Variants in USP50 observed in about 807,000 individuals in gnomAD.
USP50 encodes ubiquitin specific peptidase 50.
A neutral mutation model predicts 39.2 loss-of-function variants in USP50; 37 were observed. The ratio of observed to expected loss-of-function variants is 0.94; its 90% CI spans 0.73 to 1.24. The LOEUF is 1.24. Ranked by LOEUF, USP50 falls within the 50% of genes most tolerant of loss-of-function variation. The probability of loss-of-function intolerance (pLI) is 0.00; values close to 1 mark genes in which losing one functional copy is unlikely to be tolerated. For missense variants in USP50, 374 were observed against 398.2 expected (o/e 0.94, Z 0.52); for synonymous variants, 139 against 144.5 (o/e 0.96, Z 0.27).
At chr15:50,525,934 A>G (rs914405141) in intron 6 of USP50, among the ~76,000 whole-genome samples, 2 of 152,038 alleles carry the variant, frequency 1.3e-5, no homozygotes, top group Non-Finnish European at 2.9e-5. Flanking sequence ...CAAAACAGAA[A>G]ATGCAAACAT....
In USP50 at chr15:50,535,842, A is replaced by T. The variant is rs1158594931; in HGVS notation, c.803+2867T>A. ...TGGTCCTACATTGGAAAAATTAATG[A>T]AATCTATCACATAATTAGGTTAAAG... On this transcript the variant is annotated intron_variant, in intron 5 of 6. Transcript: ENST00000532404. Among the ~76,000 whole-genome samples the T allele has an allele frequency of 2.0e-5, 3 of 152,314 alleles. No individual in the cohort carries two copies. In the East Asian group the frequency reaches 5.8e-4, roughly 29 times the overall value.
At chr15:50,506,950 T>TCTG (rs2052669667) in intron 6 of USP50, 1 of 87,510 alleles carries the variant, frequency 1.1e-5, no homozygotes, top group Non-Finnish European at 1.9e-5. Flanking sequence ...AGAGCGAGAC[T>TCTG]TCATCTCAAA....
At chr15:50,529,114 C>T (rs922213470) in intron 6 of USP50, among the ~76,000 whole-genome samples, 1 of 152,052 alleles carries the variant, frequency 6.6e-6, no homozygotes, top group Non-Finnish European at 1.5e-5. Context: ...GGGACCCCAG[C>T]GTTTTTCTAG....
At chr15:50,516,745 GTAGCTA>G (rs2052806745) in intron 6 of USP50, among the ~76,000 whole-genome samples, 1 of 27,708 alleles carries the variant, frequency 3.6e-5, no homozygotes, top group African/African-American at 1.2e-4. Context: ...AGCTAGAGTG[GTAGCTA>G]TATATATATA....
intron 6 of USP50, among the ~76,000 whole-genome samples, chr15:50,515,577 CAGAAAAGGACAGTTTA>C (rs2052795671): frequency 6.6e-6 from 1 of 151,506 alleles, no homozygotes; most frequent in African/African-American, 2.4e-5. Context: ...ACCCCCAAAA[CAGAAAAGGACAGTTTA>C]AGAAAGAAAA....
intron 6 of USP50, chr15:50,507,152 A>G (rs1330873916): frequency 1.3e-5 from 2 of 152,192 alleles, no homozygotes; most frequent in South Asian, 2.1e-4. Context: ...GTCTGGTGGC[A>G]CATGCCAGTA....
At chr15:50,504,036 T>C (rs1270469998) in intron 6 of USP50, 3 of 152,324 alleles carry the variant, frequency 2.0e-5, no homozygotes, top group Admixed American at 2.0e-4. Flanking sequence ...TGGCCGTCCA[T>C]ATTTACGGGC....
intron 1 of USP50, among the ~76,000 whole-genome samples, chr15:50,495,311 T>C: frequency 9.1e-5 from 1 of 10,954 alleles, no homozygotes; most frequent in Non-Finnish European, 1.8e-4. Context: ...TACGTGTATA[T>C]ATACATACAT....
downstream of USP50, chr15:50,500,341 A>C (rs2141335479): frequency 6.4e-6 from 1 of 155,192 alleles, no homozygotes; most frequent in African/African-American, 2.4e-5. Context: ...TAATTTGTTG[A>C]ATATATATGA....
At chr15:50,514,239 C>A (rs758639669) in intron 6 of USP50, 1 of 152,164 alleles carries the variant, frequency 6.6e-6, no homozygotes, top group Admixed American at 6.5e-5. Flanking sequence ...TGCCAGAAGT[C>A]AGTGGTTTTC....
At chr15:50,536,721 T>A (rs1422535645) in intron 5 of USP50, among the ~76,000 whole-genome samples, 3 of 151,956 alleles carry the variant, frequency 2.0e-5, no homozygotes, top group Non-Finnish European at 4.4e-5. Flanking sequence ...AATGAAATAC[T>A]TAGTTATAAA....
chr15:50,528,301 G>C (rs2052915226), intron 6 of USP50, among the ~76,000 whole-genome samples: 2 of 149,946 alleles, frequency 1.3e-5, no homozygotes, highest in South Asian at 4.2e-4. Context: ...TTAAGAGATG[G>C]AGTCTTGCCC....
Position 50,538,639 on chromosome 15 carries a change from T to C in USP50, c.803+70A>G, listed in dbSNP as rs1424814223. 12 of 1,429,740 alleles carry C rather than the reference T, an allele frequency of 8.4e-6. 1 individual carries two copies. Among genetic ancestry groups the C allele is most frequent in the Non-Finnish European group, 1.1e-5 (12 of 1,071,378 alleles). The allele number at this position is 1,429,740 out of a possible 1,614,324, so 88.6% of individuals were successfully genotyped here. A position where few individuals can be genotyped will look rare whatever the true frequency, so the allele number is the denominator to read the frequency against. On this transcript the variant is annotated intron_variant, in intron 5 of 6. Coordinates refer to ENST00000532404, the MANE Select transcript of USP50 (RefSeq NM_203494.5). ...TTGTATACTCTAAATGGGTGAATTATTGGCATGTGAATTTTATCTCTATAA... is the reference window on the plus strand; with the variant it reads ...TTGTATACTCTAAATGGGTGAATTACTGGCATGTGAATTTTATCTCTATAA...
In USP50 at chr15:50,543,747, T is replaced by A. The variant is rs753384776; in HGVS notation, c.295A>T (p.Met99Leu). 3 of 1,610,532 alleles carry A rather than the reference T, an allele frequency of 1.9e-6. No individual in the cohort carries two copies. The highest frequency in any genetic ancestry group is 1.1e-5 in the South Asian group (1 of 90,384). Residue 99 changes from methionine (M) to leucine (L), a missense_variant, in exon 3 of 7, where the codon ATG (methionine) becomes TTG (leucine). By Grantham distance (15) the Met-to-Leu change is conservative. Coordinates refer to ENST00000532404, the MANE Select transcript of USP50 (RefSeq NM_203494.5). ...ATAFAYLMTD[M>L]WLGDSDCVSP... is the part of the protein sequence containing the mutation. ...ACACAGTCTGAGTCTCCCAGCCACATGTCTGTCATCAGATAGGCAAAAGCA... is the reference window on the plus strand; with the variant it reads ...ACACAGTCTGAGTCTCCCAGCCACAAGTCTGTCATCAGATAGGCAAAAGCA...
intron 6 of USP50, chr15:50,508,286 A>C (rs183530701): frequency 5.3e-5 from 8 of 152,286 alleles, no homozygotes; most frequent in Admixed American, 5.2e-4. Context: ...CATGGGATGC[A>C]CTGATGTCTG....
intron 6 of USP50, chr15:50,509,524 G>C (rs1227312857): frequency 6.6e-6 from 1 of 152,166 alleles, no homozygotes; most frequent in Non-Finnish European, 1.5e-5. Flanking sequence ...GCGGGCGCCT[G>C]TAGTCCCAAG....
chr15:50,495,592 A>G (rs2141326232), downstream of USP50, among the ~76,000 whole-genome samples: 1 of 151,948 alleles, frequency 6.6e-6, no homozygotes, highest in South Asian at 2.1e-4. Context: ...ATGAACCACC[A>G]CATCTGGCCC....
At chr15:50,525,717 ATATGTATATATG>A (rs1381257293) in intron 6 of USP50, among the ~76,000 whole-genome samples, 1 of 88,026 alleles carries the variant, frequency 1.1e-5, no homozygotes, top group African/African-American at 4.4e-5. Context: ...GTATATATGT[ATATGTATATATG>A]TATATGTATA....
At chr15:50,520,623 G>A (rs1051836905) in intron 6 of USP50, among the ~76,000 whole-genome samples, 1 of 150,496 alleles carries the variant, frequency 6.6e-6, no homozygotes, top group East Asian at 2.0e-4. Context: ...CCCCGCCCCC[G>A]CCAAAAAAAA....
Sources: gnomAD v4.1 joint callset for allele counts (sites outside exome capture counted in the v4.1 genomes callset) on GRCh38, gnomAD v4.1.1 for gene constraint, MANE v1.5 for transcripts, NCBI Gene and HGNC (gene_info 2026-07-23, HGNC 2026-07-21) for gene names.